ASTN2: variants seen among roughly 807,000 people sequenced by gnomAD.
ASTN2 encodes the protein astrotactin 2.
ASTN2 carries 54 observed loss-of-function variants against 139.8 expected under a neutral mutation model. That is an observed-to-expected ratio of 0.39 (90% CI 0.31 to 0.48). ASTN2 has a LOEUF of 0.48. ASTN2 is among the 20% of genes least tolerant of loss of function. ASTN2 has a pLI of 0.95. For synonymous variants in ASTN2, 756 were observed against 719.5 expected, an observed-to-expected ratio of 1.05 and a Z score of -0.81; for missense variants, 1,565 against 1,725.1, an observed-to-expected ratio of 0.91 and a Z score of 1.64.
chr9:116,796,758 C>T (rs1308796120), intron 13 of ASTN2, among the ~76,000 whole-genome samples: 2 of 151,968 alleles, frequency 1.3e-5, no homozygotes, highest in Non-Finnish European at 2.9e-5. Flanking sequence ...TAGTATAGTC[C>T]CCATAGCTAA....
intron 11 of ASTN2, among the ~76,000 whole-genome samples, chr9:116,843,510 T>G (rs1222802466): frequency 6.7e-6 from 1 of 149,788 alleles, no homozygotes; most frequent in African/African-American, 2.4e-5. Context: ...ATACAACAAA[T>G]TAGCCAGGGG....
intron 13 of ASTN2, among the ~76,000 whole-genome samples, chr9:116,765,145 C>T (rs182996055): frequency 1.3e-5 from 2 of 152,308 alleles, no homozygotes; most frequent in African/African-American, 4.8e-5. Flanking sequence ...AGGGTTCCTT[C>T]TGAGCAGAGG....
At chr9:116,968,586 C>A (rs1056142523) in intron 10 of ASTN2, among the ~76,000 whole-genome samples, 2 of 152,186 alleles carry the variant, frequency 1.3e-5, no homozygotes, top group Non-Finnish European at 2.9e-5. Context: ...TGGCACTACA[C>A]TGCAGCCAAA....
At chr9:116,759,946 C>T (rs941942253) in intron 13 of ASTN2, among the ~76,000 whole-genome samples, 2 of 152,168 alleles carry the variant, frequency 1.3e-5, no homozygotes, top group South Asian at 2.1e-4. Flanking sequence ...GTTAAATATC[C>T]GTTTAATGTC....
chr9:116,601,518 A>C (rs2131760651), intron 19 of ASTN2, among the ~76,000 whole-genome samples: 1 of 152,318 alleles, frequency 6.6e-6, no homozygotes, highest in South Asian at 2.1e-4. Flanking sequence ...TGATCACAGA[A>C]GATGTTGAGT....
At chr9:116,572,561 T>C (rs555151870) in intron 19 of ASTN2, among the ~76,000 whole-genome samples, 18 of 148,468 alleles carry the variant, frequency 1.2e-4, no homozygotes, top group Non-Finnish European at 2.1e-4. Flanking sequence ...CAGATGCGTC[T>C]TAAGCAGATG....
At position 117,168,872 on chromosome 9, in the gene ASTN2, T is replaced by A. The variant is rs576253733; in HGVS notation, c.1016-27394A>T. Among the ~76,000 whole-genome samples the A allele has an allele frequency of 3.3e-5, 5 of 152,300 alleles. No homozygotes were observed. In the South Asian group the frequency reaches 8.3e-4, roughly 25 times the overall value. On this transcript the variant is annotated intron_variant, in intron 3 of 22. Coordinates refer to ENST00000313400, the MANE Select transcript of ASTN2 (RefSeq NM_001365068.1). Reference sequence around the variant, plus strand: ...GATTTTAAATGCTGGCTAAGACTTATAAATTGAACCTAACTTGTAGTGCGA... The same window carrying A: ...GATTTTAAATGCTGGCTAAGACTTAAAAATTGAACCTAACTTGTAGTGCGA...
At chr9:117,036,293 G>A (rs1838383080) in intron 6 of ASTN2, among the ~76,000 whole-genome samples, 1 of 152,170 alleles carries the variant, frequency 6.6e-6, no homozygotes, top group African/African-American at 2.4e-5. Flanking sequence ...TGTGGACAAG[G>A]TCTTCCCAAT....
chr9:116,661,956 T>C (rs1419288069), intron 16 of ASTN2, among the ~76,000 whole-genome samples: 1 of 151,604 alleles, frequency 6.6e-6, no homozygotes, highest in South Asian at 2.1e-4. Context: ...GGCACATGTA[T>C]ACATATGTAA....
At chr9:116,519,475 C>G (rs551373999) in intron 19 of ASTN2, among the ~76,000 whole-genome samples, 1 of 151,858 alleles carries the variant, frequency 6.6e-6, no homozygotes, top group African/African-American at 2.4e-5. Flanking sequence ...AATATTGACA[C>G]AACCTGTCAA....
intron 11 of ASTN2, among the ~76,000 whole-genome samples, chr9:116,847,214 C>T (rs1315218021): frequency 1.3e-5 from 2 of 152,142 alleles, no homozygotes; most frequent in African/African-American, 2.4e-5. Flanking sequence ...CTCCCTGGTT[C>T]AAGTGATTCT....
chr9:117,061,373 A>G (rs911232152), intron 5 of ASTN2, among the ~76,000 whole-genome samples: 4 of 35,418 alleles, frequency 1.1e-4, no homozygotes, highest in Non-Finnish European at 2.1e-4. Context: ...TGCTTTGCAC[A>G]GTGCCTATTA....
At chr9:117,405,820 C>T (rs1564188007) in intron 1 of ASTN2, among the ~76,000 whole-genome samples, 1 of 152,182 alleles carries the variant, frequency 6.6e-6, no homozygotes, top group Non-Finnish European at 1.5e-5. Flanking sequence ...ACCTGGTTTC[C>T]AAGCTGCTCA....
intron 22 of ASTN2, chr9:116,437,670 A>T (rs1367631719): frequency 8.7e-6 from 4 of 458,586 alleles, no homozygotes; most frequent in African/African-American, 8.1e-5. Flanking sequence ...AAGCCCAAAA[A>T]ACTGGAATGC....
intron 13 of ASTN2, among the ~76,000 whole-genome samples, chr9:116,793,674 A>C (rs886471282): frequency 4.6e-5 from 7 of 152,236 alleles, no homozygotes; most frequent in African/African-American, 1.7e-4. Context: ...AGAATCTTAA[A>C]TATGTTTGAA....
chr9:116,688,342 A>G (rs1401720062), intron 16 of ASTN2, among the ~76,000 whole-genome samples: 2 of 152,056 alleles, frequency 1.3e-5, no homozygotes, highest in African/African-American at 4.8e-5. Flanking sequence ...GACCCTGAGT[A>G]GATTTGTGGA....
intron 16 of ASTN2, among the ~76,000 whole-genome samples, chr9:116,683,433 A>T (rs1239808885): frequency 1.3e-5 from 2 of 152,200 alleles, no homozygotes; most frequent in Non-Finnish European, 2.9e-5. Flanking sequence ...AGTCAATTGC[A>T]GCTTTAATAG....
chr9:117,096,065 G>C lies in ASTN2; in HGVS notation c.1255C>G (p.Arg419Gly). 8 of 1,614,024 alleles carry C rather than the reference G, an allele frequency of 5.0e-6. No individual in the cohort carries two copies. Among genetic ancestry groups the C allele is most frequent in the Non-Finnish European group, 6.8e-6 (8 of 1,179,946 alleles). Reference sequence around the variant, plus strand: ...TTACCTTTGCTGCGGCGGCGACTGCGGTACTGCTCCGTGTAGAATGTCAGC... The same window carrying C: ...TTACCTTTGCTGCGGCGGCGACTGCCGTACTGCTCCGTGTAGAATGTCAGC... The part of the protein sequence containing the change: ...TQLTFYTEQY[R>G]SRRRSKGLLK... Residue 419 changes from arginine to glycine, a missense_variant, in exon 5 of 23, where the codon CGC becomes GGC. Physicochemically the swap from Arg to Gly is moderately radical, Grantham distance 125. Coordinates refer to ENST00000313400, the MANE Select transcript of ASTN2 (RefSeq NM_001365068.1).
chr9:116,519,213 C>A (rs1850770308), intron 19 of ASTN2, among the ~76,000 whole-genome samples: 1 of 152,076 alleles, frequency 6.6e-6, no homozygotes, highest in African/African-American at 2.4e-5. Context: ...ACATTCTATT[C>A]ATCAGCACAT....
Sources: gnomAD v4.1 joint callset for allele counts (sites outside exome capture counted in the v4.1 genomes callset) on GRCh38, gnomAD v4.1.1 for gene constraint, MANE v1.5 for transcripts, NCBI Gene and HGNC (gene_info 2026-07-23, HGNC 2026-07-21) for gene names.